DPP4: variants seen among roughly 807,000 people sequenced by gnomAD.
DPP4 encodes the protein ADCP-2.
A neutral mutation model predicts 122.4 loss-of-function variants in DPP4; 93 were observed. That is an observed-to-expected ratio of 0.76 (90% CI 0.64 to 0.90). The LOEUF is 0.90. Ranked by LOEUF, DPP4 falls within the 40% of genes least tolerant of loss-of-function variation. The pLI is 0.00. For synonymous variants in DPP4, 321 were observed against 302.9 expected (o/e 1.06, Z -0.62); for missense variants, 914 against 907.3 (o/e 1.01, Z -0.09).
intron 10 of DPP4, among the ~76,000 whole-genome samples, chr2:162,025,322 T>C (rs993092990): frequency 1.3e-5 from 2 of 152,124 alleles, no homozygotes; most frequent in African/African-American, 4.8e-5. Context: ...CCACAGACAC[T>C]GGCTAAGATT....
At chr2:162,043,713 A>G (rs911044602) in intron 5 of DPP4, among the ~76,000 whole-genome samples, 3 of 152,174 alleles carry the variant, frequency 2.0e-5, no homozygotes, top group African/African-American at 7.2e-5. Flanking sequence ...TGCCATTACA[A>G]TCACCTATGA....
intron 23 of DPP4, among the ~76,000 whole-genome samples, chr2:162,004,816 A>T (rs1351933531): frequency 6.6e-6 from 1 of 152,240 alleles, no homozygotes; most frequent in Non-Finnish European, 1.5e-5. Context: ...GACACAGATG[A>T]AAAGAAATTG....
At chr2:162,041,943 T>C (rs1234070986) in intron 5 of DPP4, among the ~76,000 whole-genome samples, 2 of 152,004 alleles carry the variant, frequency 1.3e-5, no homozygotes, top group East Asian at 1.9e-4. Flanking sequence ...AGAGATATAA[T>C]GGAGGTGGGT....
intron 16 of DPP4, chr2:162,017,382 T>A (rs1199470865): frequency 1.2e-5 from 6 of 501,044 alleles, no homozygotes. Flanking sequence ...CAGGGCTCAG[T>A]AGAATGAAGT....
At chr2:161,995,107 G>T (rs1700966620) in intron 24 of DPP4, 73 bp from the exon 25 acceptor site, 7 of 1,526,538 alleles carry the variant, frequency 4.6e-6, no homozygotes, top group Non-Finnish European at 6.4e-6. Flanking sequence ...GGTGGGAAAG[G>T]CACAAGAAGA....
At chr2:161,995,123 A>G (rs565927117) in intron 24 of DPP4, 89 bp from the exon 25 acceptor site, 4 of 1,468,822 alleles carry the variant, frequency 2.7e-6, no homozygotes, top group Non-Finnish European at 3.8e-6. Flanking sequence ...GAAGAAAGGG[A>G]CTGTTTGAAG....
intron 5 of DPP4, among the ~76,000 whole-genome samples, chr2:162,039,424 T>C (rs1439041835): frequency 6.6e-6 from 1 of 152,078 alleles, no homozygotes; most frequent in Non-Finnish European, 1.5e-5. Flanking sequence ...AGGACCACAG[T>C]GCACCAAAAA....
Position 162,073,983 on chromosome 2 carries a change from G to T in DPP4, c.-2C>A. ...ACGTGGCGCGGCACTCACCTTCATC[G>T]TCGGCGTCTCCTCGGAAGTGAGCGT... On this transcript the variant is annotated 5_prime_UTR_variant, in exon 1 of 26. Transcript: ENST00000360534. 2 of 1,612,106 alleles carry T rather than the reference G, an allele frequency of 1.2e-6. No individual in the cohort carries two copies. Among genetic ancestry groups the T allele is most frequent in the Non-Finnish European group, 1.7e-6 (2 of 1,179,152 alleles).
At chr2:162,050,820 C>T (rs1020485590) in intron 2 of DPP4, among the ~76,000 whole-genome samples, 3 of 152,206 alleles carry the variant, frequency 2.0e-5, no homozygotes, top group African/African-American at 7.2e-5. Flanking sequence ...CAAGTTACAA[C>T]CTATTTTGTC....
At chr2:162,005,439 G>A (rs550804799) in intron 23 of DPP4, among the ~76,000 whole-genome samples, 4 of 152,216 alleles carry the variant, frequency 2.6e-5, no homozygotes, top group African/African-American at 9.6e-5. Flanking sequence ...GGGCTCTAAA[G>A]GAATATGTTG....
chr2:162,064,592 T>C (rs1198732060), intron 2 of DPP4, among the ~76,000 whole-genome samples: 2 of 152,268 alleles, frequency 1.3e-5, no homozygotes, highest in Non-Finnish European at 2.9e-5. Flanking sequence ...TGACTATTTC[T>C]ACCACTTTCT....
chr2:162,022,911 C>T (rs1683186161), intron 11 of DPP4, 112 bp from the exon 12 acceptor site: 2 of 1,025,860 alleles, frequency 1.9e-6, no homozygotes, highest in Admixed American at 1.8e-5. Flanking sequence ...TGAGAGCTAT[C>T]TCCATTCATA....
chr2:162,074,161 C>T lies in DPP4; in HGVS notation c.-180G>A, dbSNP rs201841742. On this transcript the variant is annotated 5_prime_UTR_variant, in exon 1 of 26. Coordinates refer to ENST00000360534, the MANE Select transcript of DPP4 (RefSeq NM_001935.4). ...GAGCCCGCTGGGTATAAAGGCGCCG[C>T]GGGCAGGCTGCAGGGCAGGCGGCGC... The T allele has an allele frequency of 1.6e-5, 21 of 1,311,620 alleles. No homozygotes were observed. In the African/African-American group the frequency reaches 3.2e-4, roughly 20 times the overall value. 81.2% of individuals were successfully genotyped at this position (1,311,620 alleles called of 1,614,324 possible).
intron 2 of DPP4, among the ~76,000 whole-genome samples, chr2:162,051,163 G>C (rs1403179654): frequency 6.6e-6 from 1 of 152,062 alleles, no homozygotes; most frequent in Non-Finnish European, 1.5e-5. Flanking sequence ...AGTTAAAAAA[G>C]GTAGAATAGT....
intron 9 of DPP4, among the ~76,000 whole-genome samples, chr2:162,033,862 G>GTGTATATATATA (rs1184597685): frequency 4.5e-4 from 47 of 104,028 alleles, no homozygotes; most frequent in South Asian, 1.1e-3. Flanking sequence ...CAGAATATGT[G>GTGTATATATATA]TATATATATA....
At chr2:162,041,041 A>G (rs1023877586) in intron 5 of DPP4, among the ~76,000 whole-genome samples, 2 of 150,858 alleles carry the variant, frequency 1.3e-5, no homozygotes, top group Admixed American at 6.6e-5. Flanking sequence ...TAGACCAAGC[A>G]ATAACTAAAA....
chr2:162,060,830 A>G (rs1576072422), intron 2 of DPP4, among the ~76,000 whole-genome samples: 1 of 152,070 alleles, frequency 6.6e-6, no homozygotes, highest in South Asian at 2.1e-4. Flanking sequence ...TTTTTTTAAA[A>G]TCTTACCTTT....
rs917609154 is a variant in DPP4, at chr2:162,021,503, C to T, written c.1069-815G>A. The T allele has an allele frequency of 2.0e-4, 31 of 152,204 alleles. 1 individual carries two copies. The highest frequency in any genetic ancestry group is 2.0e-3 in the Admixed American group (31 of 15,286). The allele number at this position is 152,204 out of a possible 1,614,324, so 9.4% of individuals were successfully genotyped here. A position where few individuals can be genotyped will look rare whatever the true frequency, so the allele number is the denominator to read the frequency against. On this transcript the variant is annotated intron_variant, in intron 12 of 25. Coordinates refer to ENST00000360534, the MANE Select transcript of DPP4 (RefSeq NM_001935.4). Reference sequence around the variant, plus strand: ...ATGGTCTTTTAAAATTGTTGGTTCACTTCGCCCTCGATGTTTCCTCTCTCA... The same window carrying T: ...ATGGTCTTTTAAAATTGTTGGTTCATTTCGCCCTCGATGTTTCCTCTCTCA...
At chr2:162,024,350 G>A (rs1289321975) in intron 11 of DPP4, among the ~76,000 whole-genome samples, 3 of 152,204 alleles carry the variant, frequency 2.0e-5, no homozygotes, top group Non-Finnish European at 4.4e-5. Context: ...TTCTAAAGCT[G>A]TTTCCTGCTT....
Sources: gnomAD v4.1 joint callset for allele counts (sites outside exome capture counted in the v4.1 genomes callset) on GRCh38, gnomAD v4.1.1 for gene constraint, MANE v1.5 for transcripts, NCBI Gene and HGNC (gene_info 2026-07-23, HGNC 2026-07-21) for gene names.